Variants in KPNA6 observed in about 807,000 individuals in gnomAD.
KPNA6 encodes importin subunit alpha-7.
Under a neutral mutation model 72.0 loss-of-function variants are expected in KPNA6, and 9 were observed. That is an observed-to-expected ratio of 0.13 (90% confidence interval 0.08 to 0.22). The LOEUF (loss-of-function observed/expected upper bound fraction) is 0.22. Among genes scored for constraint, KPNA6 ranks in the 10% least tolerant of loss-of-function variants. The pLI, the probability that KPNA6 is intolerant of heterozygous loss-of-function variation, is 1.00. For synonymous variants in KPNA6, 219 were observed against 242.1 expected (o/e 0.90, Z 0.89); for missense variants, 374 against 655.7 (o/e 0.57, Z 4.69).
At chr1:32,161,816 T>G in intron 7 of KPNA6, 131 bp from the exon 8 acceptor site, 1 of 677,518 alleles carries the variant, frequency 1.5e-6, no homozygotes, top group Non-Finnish European at 2.6e-6. Flanking sequence ...TCTATTAACT[T>G]AGGTCTGTGA....
rs60616241 is a variant in KPNA6, at chr1:32,173,173, T to TAAAAAAA, written c.*2294_*2300dup. On this transcript the variant is annotated 3_prime_UTR_variant, in exon 14 of 14. Coordinates refer to ENST00000373625, the MANE Select transcript of KPNA6 (RefSeq NM_012316.5). ...ATTAAAAAACCATTCTCTTACAGTT[T>TAAAAAAA]AAAAAAAAAAAAAAAAAAAAAGCCT... The TAAAAAAA allele has an allele frequency of 5.6e-5, 18 of 320,112 alleles. No individual in the cohort carries two copies. Among genetic ancestry groups the TAAAAAAA allele is most frequent in the African/African-American group, 1.8e-4 (6 of 32,768 alleles). 19.8% of individuals were successfully genotyped at this position (320,112 alleles called of 1,614,324 possible).
chr1:32,130,222 A>ATTTTTTTTTTTTTTTTTT (rs55953899), intron 1 of KPNA6, among the ~76,000 whole-genome samples: 4 of 103,136 alleles, frequency 3.9e-5, no homozygotes, highest in Non-Finnish European at 8.1e-5. Context: ...GTAGATAAAT[A>ATTTTTTTTTTTTTTTTTT]TTTTTTTTTT....
chr1:32,138,529 G>A (rs1018635564), intron 1 of KPNA6, among the ~76,000 whole-genome samples: 2 of 137,950 alleles, frequency 1.4e-5, no homozygotes, highest in Admixed American at 7.7e-5. Context: ...GGCAACAAGA[G>A]CGAAACTCCA....
chr1:32,115,671 T>C (rs1188020091), intron 1 of KPNA6, among the ~76,000 whole-genome samples: 1 of 152,128 alleles, frequency 6.6e-6, no homozygotes, highest in African/African-American at 2.4e-5. Flanking sequence ...GTGATCCTTA[T>C]TCCTCAGCCT....
At chr1:32,115,117 G>A (rs1476842621) in intron 1 of KPNA6, among the ~76,000 whole-genome samples, 1 of 151,218 alleles carries the variant, frequency 6.6e-6, no homozygotes, top group Non-Finnish European at 1.5e-5. Flanking sequence ...TGGGATTATA[G>A]GCATGAGCCA....
chr1:32,115,788 G>T (rs1427434058), intron 1 of KPNA6, among the ~76,000 whole-genome samples: 1 of 152,134 alleles, frequency 6.6e-6, no homozygotes, highest in African/African-American at 2.4e-5. Flanking sequence ...CTGTCGCCCA[G>T]GCTGGAGTGC....
At chr1:32,128,420 T>TACAC (rs1326920100) in intron 1 of KPNA6, among the ~76,000 whole-genome samples, 3 of 120,726 alleles carry the variant, frequency 2.5e-5, no homozygotes, top group African/African-American at 1.1e-4. Context: ...TATATATATA[T>TACAC]ATATATACAC....
At chr1:32,134,468 C>A (rs1322945381) in intron 1 of KPNA6, among the ~76,000 whole-genome samples, 3 of 151,516 alleles carry the variant, frequency 2.0e-5, no homozygotes, top group Non-Finnish European at 4.4e-5. Flanking sequence ...TAACAAAACC[C>A]CGTCTCTACT....
intron 1 of KPNA6, among the ~76,000 whole-genome samples, chr1:32,132,119 C>CCT (rs1381503509): frequency 6.6e-6 from 1 of 151,820 alleles, no homozygotes; most frequent in Non-Finnish European, 1.5e-5. Context: ...TACAGGTATG[C>CCT]ACCACCATAC....
At chr1:32,130,033 T>C (rs1379708223) in intron 1 of KPNA6, among the ~76,000 whole-genome samples, 18 of 152,162 alleles carry the variant, frequency 1.2e-4, no homozygotes, top group Admixed American at 1.2e-3. Context: ...TCAGTTTGCC[T>C]ACCTCTAAAA....
chr1:32,124,349 G>A (rs1213277887), intron 1 of KPNA6, among the ~76,000 whole-genome samples: 8 of 151,700 alleles, frequency 5.3e-5, no homozygotes, highest in Admixed American at 5.3e-4. Flanking sequence ...CTCCAGCCTG[G>A]GCAACAGAGT....
chr1:32,124,039 A>AAG (rs1641486412), intron 1 of KPNA6, among the ~76,000 whole-genome samples: 1 of 150,206 alleles, frequency 6.7e-6, no homozygotes, highest in Non-Finnish European at 1.5e-5. Context: ...TCTCAAAAAA[A>AAG]AAAAAAAAAA....
intron 9 of KPNA6, among the ~76,000 whole-genome samples, chr1:32,162,961 G>A (rs924591532): frequency 1.3e-5 from 2 of 150,932 alleles, no homozygotes; most frequent in African/African-American, 2.4e-5. Flanking sequence ...AAAATTAGCC[G>A]GGCGTGGTGG....
At chr1:32,118,217 C>T (rs1434443467) in intron 1 of KPNA6, among the ~76,000 whole-genome samples, 1 of 152,132 alleles carries the variant, frequency 6.6e-6, no homozygotes, top group Admixed American at 6.6e-5. Context: ...AGCCACCGTG[C>T]CCAGCCATCT....
intron 1 of KPNA6, among the ~76,000 whole-genome samples, chr1:32,123,556 C>T (rs1641476576): frequency 6.6e-6 from 1 of 151,618 alleles, no homozygotes; most frequent in Admixed American, 6.6e-5. Flanking sequence ...GCCAGGACAA[C>T]ATGGTGAAAC....
chr1:32,144,137 C>T (rs1393183132), intron 1 of KPNA6, among the ~76,000 whole-genome samples: 3 of 152,104 alleles, frequency 2.0e-5, no homozygotes, highest in Admixed American at 1.3e-4. Flanking sequence ...AAATAGAACA[C>T]ATAACAATAT....
chr1:32,115,705 ATGAGTCAC>A (rs973644890), intron 1 of KPNA6, among the ~76,000 whole-genome samples: 18 of 152,136 alleles, frequency 1.2e-4, no homozygotes, highest in African/African-American at 4.1e-4. Context: ...GATTACAAGC[ATGAGTCAC>A]TGAGTTTGGC....
chr1:32,158,026 T>C (rs1415284136), intron 4 of KPNA6, among the ~76,000 whole-genome samples: 1 of 152,208 alleles, frequency 6.6e-6, no homozygotes, highest in Admixed American at 6.5e-5. Flanking sequence ...TTTCTTTGCT[T>C]ACATTTAGTA....
At position 32,109,902 on chromosome 1, in the gene KPNA6, C is replaced by T. The variant is rs183876927; in HGVS notation, c.4+1768C>T. Among the ~76,000 whole-genome samples the T allele has an allele frequency of 7.2e-5, 11 of 151,902 alleles. No individual in the cohort carries two copies. In the East Asian group the frequency reaches 1.9e-3, roughly 27 times the overall value. On this transcript the variant is annotated intron_variant, in intron 1 of 13. Transcript: ENST00000373625. The stretch of plus-strand genomic sequence containing the variant: ...TGATCTCCTGACCTCGTGATCCTCC[C>T]GCCTCGCCTTCCAAAGTGCTGAGAT...
Sources: allele counts gnomAD v4.1 joint callset (sites outside exome capture counted in the v4.1 genomes callset), GRCh38; gene constraint gnomAD v4.1.1; transcripts MANE v1.5; gene names NCBI Gene and HGNC (gene_info 2026-07-23, HGNC 2026-07-21).